The following LRBA variants were observed in gnomAD, a reference collection of about 807,000 sequenced individuals.
The protein encoded by LRBA is LPS responsive beige-like anchor protein, also known as lipopolysaccharide-responsive and beige-like anchor protein.
A neutral mutation model predicts 330.0 loss-of-function variants in LRBA; 176 were observed. The ratio of observed to expected loss-of-function variants is 0.53; its 90% CI spans 0.47 to 0.60. The LOEUF is 0.60. Ranked by LOEUF, LRBA falls within the 20% of genes least tolerant of loss-of-function variation. The probability of loss-of-function intolerance (pLI) is 0.00; values close to 1 mark genes in which losing one functional copy is unlikely to be tolerated. For synonymous variants in LRBA, 1,230 were observed against 1,193.0 expected, an observed-to-expected ratio of 1.03 and a Z score of -0.64; for missense variants, 3,259 against 3,444.8, an observed-to-expected ratio of 0.95 and a Z score of 1.35.
At chr4:150,265,938 A>T in intron 56 of LRBA, 126 bp from the exon 57 acceptor site, 1 of 654,244 alleles carries the variant, frequency 1.5e-6, no homozygotes, top group South Asian at 1.7e-5. Flanking sequence ...AATTTGTGGG[A>T]ACTAAGGTAT....
intron 37 of LRBA, among the ~76,000 whole-genome samples, chr4:150,648,158 C>CAAAAACAAAACAAAAAAAAA (rs1779346849): frequency 5.5e-5 from 1 of 18,100 alleles, no homozygotes; most frequent in African/African-American, 1.0e-4. Flanking sequence ...ACACAAGTAG[C>CAAAAACAAAACAAAAAAAAA]AAAAAAAAAA....
chr4:150,730,226 A>C (rs1161449096), intron 36 of LRBA, among the ~76,000 whole-genome samples: 1 of 152,222 alleles, frequency 6.6e-6, no homozygotes. Flanking sequence ...GAATGGAAGA[A>C]AATATTTGCA....
chr4:150,792,903 A>T (rs1740189569), intron 34 of LRBA, among the ~76,000 whole-genome samples: 1 of 152,162 alleles, frequency 6.6e-6, no homozygotes, highest in African/African-American at 2.4e-5. Context: ...CAACATGGTG[A>T]AACCCCGTCT....
chr4:150,993,394 A>G (rs947169129), intron 2 of LRBA, among the ~76,000 whole-genome samples: 5 of 152,158 alleles, frequency 3.3e-5, no homozygotes, highest in Non-Finnish European at 5.9e-5. Context: ...TAGGTTCCAA[A>G]TTTGTCTTTA....
chr4:150,694,990 A>G (rs548908159), intron 36 of LRBA, among the ~76,000 whole-genome samples: 12 of 152,274 alleles, frequency 7.9e-5, no homozygotes, highest in African/African-American at 2.6e-4. Flanking sequence ...AGAAGGCTAT[A>G]GTTTCTACTT....
chr4:150,508,516 T>G (rs1306078650), intron 40 of LRBA, among the ~76,000 whole-genome samples: 1 of 152,160 alleles, frequency 6.6e-6, no homozygotes, highest in Non-Finnish European at 1.5e-5. Context: ...CTCGAACTCC[T>G]GACCTCAAAT....
chr4:150,798,133 CA>C lies in LRBA; in HGVS notation c.5527del (p.Cys1843AlafsTer2). On this transcript the variant is annotated frameshift_variant, in exon 34 of 57. Coordinates refer to ENST00000651943, the MANE Select transcript of LRBA (RefSeq NM_001364905.1). LOFTEE classifies it high-confidence loss of function. Reference sequence around the variant, plus strand: ...CACAACTGAACTACTCGACTTCATGCAAACCAGACCTATTTTAAAGAGAATT... The same window carrying C: ...CACAACTGAACTACTCGACTTCATGCAACCAGACCTATTTTAAAGAGAATT... ...ELLIEGTSLVCMKSSSSVVEL... is the reference protein window; with the variant it reads ...ELLIEGTSLVXMKSSSSVVEL... 6.2e-7 allele frequency: 1 copy of C among 1,600,410 alleles called. No homozygotes were observed. The highest frequency in any genetic ancestry group is 1.7e-5 in the Admixed American group (1 of 59,952).
chr4:150,981,181 C>T (rs1352079019), intron 2 of LRBA, among the ~76,000 whole-genome samples: 2 of 150,908 alleles, frequency 1.3e-5, no homozygotes, highest in South Asian at 2.1e-4. Flanking sequence ...TGGGAGGCCG[C>T]GGTGGGCAGA....
At chr4:150,683,853 G>A (rs1337110886) in intron 36 of LRBA, 136 bp from the exon 37 acceptor site, 1 of 613,870 alleles carries the variant, frequency 1.6e-6, no homozygotes, top group African/African-American at 1.8e-5. Context: ...ACCTAACTGA[G>A]ATTTAGTGAT....
chr4:150,474,955 A>C (rs1487101394), intron 42 of LRBA, among the ~76,000 whole-genome samples: 1 of 152,156 alleles, frequency 6.6e-6, no homozygotes, highest in African/African-American at 2.4e-5. Context: ...CACTTTGTGG[A>C]AATTTCTTTA....
chr4:150,848,527 C>G (rs1750164701), intron 26 of LRBA, among the ~76,000 whole-genome samples: 1 of 126,134 alleles, frequency 7.9e-6, no homozygotes, highest in Non-Finnish European at 1.6e-5. Flanking sequence ...CCAGCCTTGG[C>G]AAGAAAGCAG....
At chr4:150,579,917 C>T in intron 40 of LRBA, 1 of 343,558 alleles carries the variant, frequency 2.9e-6, no homozygotes, top group Non-Finnish European at 5.8e-6. Context: ...CACCCTCTAT[C>T]CCCGCCACCA....
chr4:150,778,301 A>AC (rs1158356013), intron 34 of LRBA, among the ~76,000 whole-genome samples: 1 of 152,180 alleles, frequency 6.6e-6, no homozygotes, highest in Non-Finnish European at 1.5e-5. Context: ...TTGTATAAAT[A>AC]TTACAGGTCA....
At chr4:150,447,390 A>G (rs907665240) in intron 44 of LRBA, among the ~76,000 whole-genome samples, 3 of 152,188 alleles carry the variant, frequency 2.0e-5, no homozygotes, top group African/African-American at 7.2e-5. Context: ...TGAATAGAAG[A>G]AAATGCAGAG....
intron 34 of LRBA, among the ~76,000 whole-genome samples, chr4:150,775,487 ACACACACACACAC>A (rs1560800182): frequency 0.085 from 11,226 of 131,722 alleles, 590 homozygotes; most frequent in Middle Eastern, 0.12. Flanking sequence ...ACACACACAC[ACACACACACACAC>A]ACAGTGATTG....
chr4:150,549,920 G>C (rs889376459), intron 40 of LRBA, among the ~76,000 whole-genome samples: 1 of 152,184 alleles, frequency 6.6e-6, no homozygotes, highest in African/African-American at 2.4e-5. Context: ...AGAGAAAGAA[G>C]ATGAGGGAAC....
chr4:150,299,882 C>T (rs77186819), intron 53 of LRBA, among the ~76,000 whole-genome samples: 1,783 of 151,990 alleles, frequency 0.012, 30 homozygotes, highest in African/African-American at 0.04. Flanking sequence ...TGTATATACA[C>T]GCTTCACCAC....
At chr4:150,652,177 C>A (rs1309560501) in intron 37 of LRBA, among the ~76,000 whole-genome samples, 1 of 152,032 alleles carries the variant, frequency 6.6e-6, no homozygotes, top group Non-Finnish European at 1.5e-5. Flanking sequence ...GGGAAAATAC[C>A]TTAATACATA....
chr4:150,791,165 G>A (rs370564359), intron 34 of LRBA, among the ~76,000 whole-genome samples: 16 of 152,120 alleles, frequency 1.1e-4, no homozygotes, highest in African/African-American at 3.6e-4. Context: ...TGTTGCCCAG[G>A]CTGGTCTCAA....
Sources: allele counts gnomAD v4.1 joint callset (sites outside exome capture counted in the v4.1 genomes callset), GRCh38; gene constraint gnomAD v4.1.1; transcripts MANE v1.5; gene names NCBI Gene and HGNC (gene_info 2026-07-23, HGNC 2026-07-21).